TMC2: variants seen among roughly 807,000 people sequenced by gnomAD.
TMC2 encodes transmembrane channel like 2.
TMC2 carries 102 observed loss-of-function variants against 105.9 expected under a neutral mutation model. The observed-to-expected ratio is 0.96, with a 90% CI of 0.82 to 1.14. The LOEUF is 1.14. Among genes scored for constraint, TMC2 ranks in the 50% most tolerant of loss-of-function variants. The probability of loss-of-function intolerance (pLI) is 0.00; values close to 1 mark genes in which losing one functional copy is unlikely to be tolerated. For synonymous variants in TMC2, 402 were observed against 422.8 expected, an observed-to-expected ratio of 0.95 and a Z score of 0.60; for missense variants, 1,093 against 1,134.3, an observed-to-expected ratio of 0.96 and a Z score of 0.52.
At chr20:2,602,391 T>C (rs2086358727) in intron 11 of TMC2, 90 bp downstream of exon 11, 10 of 984,574 alleles carry the variant, frequency 1.0e-5, no homozygotes, top group Non-Finnish European at 1.3e-5. Flanking sequence ...ATCGAAAGTC[T>C]GGATTATAGG....
At chr20:2,594,730 ACT>A (rs1180219215) in intron 8 of TMC2, 93 bp from the exon 9 acceptor site, 2 of 1,356,396 alleles carry the variant, frequency 1.5e-6, no homozygotes, top group African/African-American at 2.9e-5. Context: ...TTCGGTTAAG[ACT>A]CTGAGAAAGA....
intron 5 of TMC2, among the ~76,000 whole-genome samples, chr20:2,574,396 A>G (rs16987128): frequency 0.15 from 23,102 of 152,212 alleles, 2,547 homozygotes; most frequent in African/African-American, 0.31. Flanking sequence ...CTGCACTTGC[A>G]TTATAATTGT....
At chr20:2,594,239 T>C (rs1183642867) in intron 8 of TMC2, among the ~76,000 whole-genome samples, 2 of 147,834 alleles carry the variant, frequency 1.4e-5, no homozygotes, top group Non-Finnish European at 3.0e-5. Flanking sequence ...TTTTTTTTTT[T>C]TTTTTTGAGA....
chr20:2,536,837 A>G (rs1410842548), intron 1 of TMC2, among the ~76,000 whole-genome samples, 182 bp downstream of exon 1: 1 of 152,204 alleles, frequency 6.6e-6, no homozygotes, highest in African/African-American at 2.4e-5. Context: ...CTCACGCATG[A>G]GATGGGGGTA....
intron 8 of TMC2, among the ~76,000 whole-genome samples, chr20:2,594,389 G>A (rs2086290494): frequency 6.6e-6 from 1 of 151,914 alleles, no homozygotes; most frequent in South Asian, 2.1e-4. Flanking sequence ...TATTACACCT[G>A]GCAAATTTTT....
At chr20:2,626,964 G>A (rs1476663371) in intron 17 of TMC2, among the ~76,000 whole-genome samples, 2 of 152,234 alleles carry the variant, frequency 1.3e-5, no homozygotes, top group African/African-American at 2.4e-5. Flanking sequence ...TTATTGGGTA[G>A]AAAGAGCAGG....
chr20:2,597,176 A>C lies in TMC2; in HGVS notation c.1102A>C (p.Thr368Pro). 6.2e-7 allele frequency: 1 copy of C among 1,614,140 alleles called. No individual in the cohort carries two copies. Among genetic ancestry groups the C allele is most frequent in the African/African-American group, 1.3e-5 (1 of 75,040 alleles). Reference protein sequence around the residue: ...RSMASNTQGSTGEGESDNFTF... With the variant: ...RSMASNTQGSPGEGESDNFTF... Reference sequence around the variant, plus strand: ...GATGGCCAGCAATACCCAAGGAAGCACAGGCGAAGGGGAGAGTGACAACTT... The same window carrying C: ...GATGGCCAGCAATACCCAAGGAAGCCCAGGCGAAGGGGAGAGTGACAACTT... Residue 368 changes from threonine to proline, a missense_variant, in exon 10 of 20, where the codon ACA (threonine) becomes CCA (proline). Coordinates refer to ENST00000358864, the MANE Select transcript of TMC2 (RefSeq NM_080751.3).
chr20:2,637,215 C>T (rs1600145028), intron 18 of TMC2, among the ~76,000 whole-genome samples: 1 of 151,062 alleles, frequency 6.6e-6, no homozygotes, highest in Non-Finnish European at 1.5e-5. Context: ...ATGGTGAACC[C>T]GTCTCTACTA....
At chr20:2,551,821 A>G (rs928093719) in intron 2 of TMC2, among the ~76,000 whole-genome samples, 5 of 152,182 alleles carry the variant, frequency 3.3e-5, no homozygotes, top group African/African-American at 9.7e-5. Flanking sequence ...TCTCTATTCC[A>G]TCCCATTGAT....
intron 4 of TMC2, among the ~76,000 whole-genome samples, chr20:2,565,369 C>T (rs2086056394): frequency 6.6e-6 from 1 of 152,192 alleles, no homozygotes; most frequent in Admixed American, 6.5e-5. Context: ...GATTTGGACT[C>T]AGGAATTCTG....
At chr20:2,541,171 A>G (rs1447471997) in intron 2 of TMC2, among the ~76,000 whole-genome samples, 2 of 152,202 alleles carry the variant, frequency 1.3e-5, no homozygotes, top group Admixed American at 1.3e-4. Context: ...TAAAGACTTC[A>G]TGGTAATTAT....
intron 3 of TMC2, 64 bp from the exon 4 acceptor site, chr20:2,561,794 C>T: frequency 2.6e-6 from 4 of 1,542,246 alleles, no homozygotes; most frequent in Non-Finnish European, 3.5e-6. Context: ...CCTCATTCCA[C>T]AGCACCTGAG....
chr20:2,585,842 G>A (rs901821153), intron 7 of TMC2, among the ~76,000 whole-genome samples: 1 of 152,202 alleles, frequency 6.6e-6, no homozygotes, highest in Non-Finnish European at 1.5e-5. Context: ...AGAGCAAAAA[G>A]AAGCTTCCCA....
chr20:2,639,110 C>T (rs111820868), intron 19 of TMC2, among the ~76,000 whole-genome samples: 3,478 of 152,184 alleles, frequency 0.023, 130 homozygotes, highest in African/African-American at 0.076. Context: ...TTGGCCAGGC[C>T]GTTCTTGAAC....
At chr20:2,595,083 G>A (rs2146213484) in intron 9 of TMC2, 116 bp downstream of exon 9, 4 of 1,172,580 alleles carry the variant, frequency 3.4e-6, no homozygotes, top group Non-Finnish European at 4.9e-6. Flanking sequence ...CAGGAAATGA[G>A]CACAGAAAGC....
rs374234210 is a variant in TMC2, at chr20:2,565,901, G to A, written c.554+3891G>A. On this transcript the variant is annotated intron_variant, in intron 4 of 19. Coordinates refer to ENST00000358864, the MANE Select transcript of TMC2 (RefSeq NM_080751.3). ...CTAAAAATACAAAAGTTAGCCGGGC[G>A]TGGTGGTGTGTGCCTGTAATCCCAG... Among the ~76,000 whole-genome samples the A allele has an allele frequency of 9.9e-5, 15 of 152,240 alleles. No individual in the cohort carries two copies. The East Asian group carries it at 1.5e-3, about 16-fold the overall frequency.
At position 2,558,551 on chromosome 20, in the gene TMC2, G is replaced by A. The variant is rs1005274027; in HGVS notation, c.178G>A (p.Ala60Thr). 3.2e-6 allele frequency: 5 copies of A among 1,552,934 alleles called. No individual in the cohort carries two copies. In the African/African-American group the frequency reaches 4.1e-5, roughly 13 times the overall value. ...AGCTCAGCGAAGCCAGAAGGAGCGC[G>A]CCGGGGGCAGCCCAAGCCCGGGGTC... ...RGAQRSQKERAGGSPSPGSPR... is the reference protein window; with the variant it reads ...RGAQRSQKERTGGSPSPGSPR... The change falls in exon 3 of 20, where the codon GCC becomes ACC. Residue 60 changes from alanine to threonine, a missense_variant. Ala to Thr is a moderately conservative substitution (Grantham distance 58). Coordinates refer to ENST00000358864, the MANE Select transcript of TMC2 (RefSeq NM_080751.3). The surrounding 1 kb of genome is among the most constrained non-coding windows in gnomAD (Gnocchi z 4.6).
At chr20:2,550,974 A>G (rs1239300411) in intron 2 of TMC2, among the ~76,000 whole-genome samples, 1 of 152,170 alleles carries the variant, frequency 6.6e-6, no homozygotes, top group African/African-American at 2.4e-5. Flanking sequence ...TTGGGACATA[A>G]ATTTTCAACT....
rs565664102 is a variant in TMC2, at chr20:2,594,225, C to CTTTTTT, written c.934-585_934-580dup. ...CCAACTATACTGTTACTAAGGATTCCTTTTTTTTTTTTTTTTTTTTGAGAC... is the reference window on the plus strand; with the variant it reads ...CCAACTATACTGTTACTAAGGATTCCTTTTTTTTTTTTTTTTTTTTTTTTTTGAGAC... On this transcript the variant is annotated intron_variant, in intron 8 of 19. Transcript: ENST00000358864. 2.3e-3 allele frequency among the ~76,000 whole-genome samples: 263 copies of CTTTTTT among 113,760 alleles called. 12 individuals are homozygous for CTTTTTT. The highest frequency in any genetic ancestry group is 8.0e-3 in the African/African-American group (251 of 31,208). 74.6% of individuals were successfully genotyped at this position (113,760 alleles called of 152,430 possible).
Sources: allele counts gnomAD v4.1 joint callset (sites outside exome capture counted in the v4.1 genomes callset), GRCh38; gene constraint gnomAD v4.1.1; non-coding constraint Gnocchi (gnomAD v3.1); transcripts MANE v1.5; gene names NCBI Gene and HGNC (gene_info 2026-07-23, HGNC 2026-07-21).